The following MORN1 variants were observed in gnomAD, a reference collection of about 807,000 sequenced individuals.
MORN1 encodes MORN repeat containing 1.
MORN1 carries 67 observed loss-of-function variants against 61.9 expected under a neutral mutation model. The observed-to-expected ratio is 1.08, with a 90% CI of 0.89 to 1.33. The LOEUF is 1.33. MORN1 is among the 40% of genes most tolerant of loss of function. The probability of loss-of-function intolerance (pLI) is 0.00; values close to 1 mark genes in which losing one functional copy is unlikely to be tolerated. For synonymous variants in MORN1, 301 were observed against 292.0 expected, an observed-to-expected ratio of 1.03 and a Z score of -0.31; for missense variants, 752 against 691.2, an observed-to-expected ratio of 1.09 and a Z score of -0.99.
rs576393240 is a variant in MORN1, at chr1:2,337,037, C to T, written c.1037-187G>A. On this transcript the variant is annotated intron_variant, in intron 10 of 13. Coordinates refer to ENST00000378531, the MANE Select transcript of MORN1 (RefSeq NM_024848.3). The surrounding 1 kb of genome is among the most constrained non-coding windows in gnomAD (Gnocchi z 5.7). ...CATCCTGGGTGCTCCCTCCGGCCGC[C>T]GACAGGGGAGGTGGGGGTCCTCCGT... Among the ~76,000 whole-genome samples the T allele has an allele frequency of 2.0e-3, 306 of 152,148 alleles. 1 individual carries two copies. The highest frequency in any genetic ancestry group is 7.1e-3 in the African/African-American group (294 of 41,502).
rs559382478 is a variant in MORN1 at position 2,385,297 on chromosome 1, G to A, written c.450-232C>T. On this transcript the variant is annotated intron_variant, in intron 5 of 13. Transcript: ENST00000378531. ...CCTAGATGGTAGGCCTGCTCGGGACGCACTCAGCTTCCGCTACTCAAAATG... is the reference window on the plus strand; with the variant it reads ...CCTAGATGGTAGGCCTGCTCGGGACACACTCAGCTTCCGCTACTCAAAATG... The A allele has an allele frequency of 1.2e-3, 704 of 570,860 alleles. 4 individuals carry two copies. Among genetic ancestry groups the A allele is most frequent in the African/African-American group, 0.012 (649 of 53,140 alleles). The allele number at this position is 570,860 out of a possible 1,614,324, so 35.4% of individuals were successfully genotyped here.
At chr1:2,364,771 C>T (rs1641965103) in intron 8 of MORN1, among the ~76,000 whole-genome samples, 1 of 152,020 alleles carries the variant, frequency 6.6e-6, no homozygotes, top group African/African-American at 2.4e-5. Context: ...TTTCAGCTTT[C>T]TACATATGGC....
At chr1:2,378,776 CG>C (rs1642304202) in intron 6 of MORN1, 3 of 371,544 alleles carry the variant, frequency 8.1e-6, no homozygotes, top group Non-Finnish European at 1.6e-5. Context: ...CCCAAGCCCT[CG>C]GGTCCTGGGA....
rs928696910 is a variant in MORN1 at position 2,337,541 on chromosome 1, C to G, written c.1037-691G>C. Among the ~76,000 whole-genome samples, 1 of 152,196 alleles carries G rather than the reference C, an allele frequency of 6.6e-6. No homozygotes were observed. The highest frequency in any genetic ancestry group is 2.4e-5 in the African/African-American group (1 of 41,450). ...ATGGGGGCTCCCCTCTGGCTTCCCC[C>G]ACGCACAGATGGAGCTGCAGCCCCC... On this transcript the variant is annotated intron_variant, in intron 10 of 13. Coordinates refer to ENST00000378531, the MANE Select transcript of MORN1 (RefSeq NM_024848.3). The surrounding 1 kb of genome is among the most constrained non-coding windows in gnomAD (Gnocchi z 5.7).
intron 13 of MORN1, chr1:2,321,890 C>A (rs1640889189): frequency 2.0e-6 from 1 of 508,754 alleles, no homozygotes; most frequent in African/African-American, 2.1e-5. Flanking sequence ...ACGACCCTCG[C>A]ATGGTGGCCG....
In MORN1 at chr1:2,336,747, G is replaced by T; in HGVS notation, c.1140C>A (p.His380Gln). 6.3e-7 allele frequency: 1 copy of T among 1,595,136 alleles called. No individual in the cohort carries two copies. Among genetic ancestry groups the T allele is most frequent in the East Asian group, 2.2e-5 (1 of 44,764 alleles). The change falls in exon 11 of 14, where the codon CAC becomes CAA. Residue 380 changes from histidine to glutamine, a missense_variant. Coordinates refer to ENST00000378531, the MANE Select transcript of MORN1 (RefSeq NM_024848.3). ...GGAGGCTGTCCAGGAACAGGAAGGG[G>T]TGGTACCCAGGCGGGGGCGGCCCCA... ...VLLGPPPPGY[H>Q]PFLFLDSLHK...
intron 10 of MORN1, among the ~76,000 whole-genome samples, chr1:2,339,937 C>G (rs1440671700): frequency 6.6e-6 from 1 of 152,264 alleles, no homozygotes; most frequent in Non-Finnish European, 1.5e-5. Context: ...CTCGGCCGCT[C>G]CTGCTCAGGG....
intron 6 of MORN1, among the ~76,000 whole-genome samples, chr1:2,384,042 G>A (rs1449197924): frequency 6.6e-5 from 10 of 152,176 alleles, no homozygotes; most frequent in African/African-American, 2.2e-4. Flanking sequence ...TAGCTGCCTC[G>A]TCCTTGTTGG....
chr1:2,342,398 C>T (rs536880709), intron 10 of MORN1, among the ~76,000 whole-genome samples: 7 of 152,340 alleles, frequency 4.6e-5, no homozygotes, highest in Non-Finnish European at 8.8e-5. Flanking sequence ...ACGTTGACTT[C>T]GTTTAAGTGG....
intron 8 of MORN1, among the ~76,000 whole-genome samples, chr1:2,367,492 T>C (rs1393213200): frequency 1.3e-5 from 2 of 150,408 alleles, no homozygotes; most frequent in Admixed American, 6.6e-5. Flanking sequence ...AAAAAGATAA[T>C]TGGGGAAAGA....
intron 10 of MORN1, 68 bp from the exon 11 acceptor site, chr1:2,336,918 G>A (rs997996844): frequency 1.7e-5 from 25 of 1,449,634 alleles, no homozygotes; most frequent in Middle Eastern, 2.2e-4. Context: ...GCCCCACAGG[G>A]CTGTGCTGAA....
intron 6 of MORN1, 63 bp downstream of exon 6, chr1:2,384,915 C>G: frequency 1.4e-6 from 2 of 1,416,618 alleles, no homozygotes; most frequent in South Asian, 2.7e-5. Flanking sequence ...ATACACCCCA[C>G]GCGCCCTGCC....
chr1:2,378,718 T>C (rs948872519), intron 6 of MORN1: 1 of 358,948 alleles, frequency 2.8e-6, no homozygotes, highest in Non-Finnish European at 5.5e-6. Context: ...CTCTACTCTG[T>C]CTGCTCCGTC....
intron 12 of MORN1, among the ~76,000 whole-genome samples, chr1:2,325,270 TCTCTTTCTCTCTCTCTC>T (rs1306792555): frequency 1.8e-5 from 2 of 108,730 alleles, no homozygotes; most frequent in African/African-American, 4.3e-5. Flanking sequence ...TCTCTCTGCC[TCTCTTTCTCTCTCTCTC>T]CTCTCTCTCT....
At chr1:2,358,148 G>C (rs1320189503) in intron 9 of MORN1, among the ~76,000 whole-genome samples, 1 of 152,206 alleles carries the variant, frequency 6.6e-6, no homozygotes, top group African/African-American at 2.4e-5. Context: ...GGTCCAGCGT[G>C]TTCCTGGGAG....
intron 12 of MORN1, chr1:2,332,088 C>A: frequency 5.9e-6 from 1 of 168,306 alleles, no homozygotes. Flanking sequence ...TCAGTCATTT[C>A]TATTGTTTGG....
Position 2,357,246 on chromosome 1 carries a change from C to T in MORN1, c.1036+186G>A, listed in dbSNP as rs1641794779. 2.0e-5 allele frequency among the ~76,000 whole-genome samples: 3 copies of T among 152,320 alleles called. No homozygotes were observed. The East Asian group carries it at 5.8e-4, about 29-fold the overall frequency. ...CAATCGGCTTGAGCCTCCGCAGCCA[C>T]CCGTGACTGCTTGTCTGGGGATGTG... is the stretch of plus-strand genomic sequence containing the variant. On this transcript the variant is annotated intron_variant, in intron 10 of 13. Transcript: ENST00000378531. This position sits in a 1 kb window ranked among gnomAD's most constrained non-coding sequence, Gnocchi z 6.3.
At chr1:2,331,903 G>A (rs1353946236) in intron 12 of MORN1, among the ~76,000 whole-genome samples, 1 of 84,580 alleles carries the variant, frequency 1.2e-5, no homozygotes. Flanking sequence ...CCTCTCCCTC[G>A]TGCGCCTCTC....
chr1:2,385,548 T>TC (rs1642474619), intron 5 of MORN1: 2 of 180,070 alleles, frequency 1.1e-5, no homozygotes, highest in Admixed American at 9.4e-5. Context: ...GGTATTTTAA[T>TC]CGGGGGGGGG....
Sources: gnomAD v4.1 joint callset for allele counts (sites outside exome capture counted in the v4.1 genomes callset) on GRCh38, gnomAD v4.1.1 for gene constraint, Gnocchi (gnomAD v3.1) non-coding constraint, MANE v1.5 for transcripts, NCBI Gene and HGNC (gene_info 2026-07-23, HGNC 2026-07-21) for gene names.